HP1BP3: variants seen among roughly 807,000 people sequenced by gnomAD.
HP1BP3 encodes heterochromatin protein 1-binding protein 3.
Under a neutral mutation model 62.5 loss-of-function variants are expected in HP1BP3, and 12 were observed. That is an observed-to-expected ratio of 0.19 (90% CI 0.12 to 0.31). HP1BP3 has a LOEUF of 0.31. Among genes scored for constraint, HP1BP3 ranks in the 10% least tolerant of loss-of-function variants. The probability of loss-of-function intolerance (pLI) is 1.00; values close to 1 mark genes in which losing one functional copy is unlikely to be tolerated. For missense variants in HP1BP3, 502 were observed against 651.8 expected, an observed-to-expected ratio of 0.77 and a Z score of 2.50; for synonymous variants, 260 against 237.8, an observed-to-expected ratio of 1.09 and a Z score of -0.86.
intron 9 of HP1BP3, among the ~76,000 whole-genome samples, chr1:20,753,798 C>A (rs1315218468): frequency 6.6e-6 from 1 of 152,106 alleles, no homozygotes; most frequent in Non-Finnish European, 1.5e-5. Context: ...ACTGAAAAAC[C>A]ACTTGACAAA....
In HP1BP3 at chr1:20,743,843, G is replaced by C. The variant is rs376673419; in HGVS notation, c.*954C>G. The C allele has an allele frequency of 6.6e-6, 1 of 151,956 alleles. No individual in the cohort carries two copies. The highest frequency in any genetic ancestry group is 1.9e-4 in the East Asian group (1 of 5,172). The allele number at this position is 151,956 out of a possible 1,614,324, so 9.4% of individuals were successfully genotyped here. ...AGCACTTTGGGAGGCCGAGGCAGGC[G>C]GATCACCTGAGGTCAGGAGTTCGAG... On this transcript the variant is annotated 3_prime_UTR_variant, in exon 13 of 13. Coordinates refer to ENST00000438032, the MANE Select transcript of HP1BP3 (RefSeq NM_001372052.1).
At chr1:20,778,165 A>G (rs1314571320) in intron 3 of HP1BP3, among the ~76,000 whole-genome samples, 1 of 69,302 alleles carries the variant, frequency 1.4e-5, no homozygotes, top group Non-Finnish European at 3.2e-5. Context: ...ATAAATTTAC[A>G]TTATTTTCTC....
At chr1:20,766,315 C>T (rs759882314) in intron 7 of HP1BP3, among the ~76,000 whole-genome samples, 37 of 151,940 alleles carry the variant, frequency 2.4e-4, no homozygotes, top group Middle Eastern at 3.4e-3. Context: ...AAAAAACACA[C>T]ATAAAAGTAA....
At chr1:20,772,751 TC>T (rs1305396724) in intron 5 of HP1BP3, among the ~76,000 whole-genome samples, 2 of 152,138 alleles carry the variant, frequency 1.3e-5, no homozygotes, top group African/African-American at 4.8e-5. Flanking sequence ...TATCATCTGA[TC>T]ATATGAACTA....
At chr1:20,786,769 T>A (rs1343915677) in intron 1 of HP1BP3, 4 of 150,928 alleles carry the variant, frequency 2.7e-5, no homozygotes, top group Non-Finnish European at 5.9e-5. Flanking sequence ...GGGAGTGGGG[T>A]GAGGGGAGGG....
chr1:20,782,678 G>A (rs952398650), intron 1 of HP1BP3, among the ~76,000 whole-genome samples: 7 of 151,908 alleles, frequency 4.6e-5, no homozygotes, highest in Admixed American at 3.9e-4. Flanking sequence ...GAGGCGGATA[G>A]ATCACAAGGT....
chr1:20,759,166 C>T (rs1473392137), intron 8 of HP1BP3, among the ~76,000 whole-genome samples: 3 of 152,138 alleles, frequency 2.0e-5, no homozygotes, highest in African/African-American at 4.8e-5. Context: ...TCTGGGGGGC[C>T]GAGGCCGGCA....
At chr1:20,768,989 A>G (rs2056925268) in intron 6 of HP1BP3, among the ~76,000 whole-genome samples, 1 of 152,222 alleles carries the variant, frequency 6.6e-6, no homozygotes, top group Non-Finnish European at 1.5e-5. Context: ...CAGGTCATAA[A>G]CTAAAACATG....
chr1:20,760,134 G>A (rs570696085), intron 8 of HP1BP3, among the ~76,000 whole-genome samples: 2 of 152,156 alleles, frequency 1.3e-5, no homozygotes, highest in East Asian at 1.9e-4. Context: ...TGATCCACCC[G>A]CCTCAGACTC....
In HP1BP3 at chr1:20,780,542, T is replaced by C; in HGVS notation, c.-100-2A>G. On this transcript the variant is annotated splice_acceptor_variant, in intron 1 of 12. Transcript: ENST00000438032. LOFTEE classifies it low-confidence loss of function (5UTR_SPLICE). ...GTTTCAGTGTGGTGAAGAATCAACCTAAAGCACAGAAAAGACCTGGTGTGA... is the reference window on the plus strand; with the variant it reads ...GTTTCAGTGTGGTGAAGAATCAACCCAAAGCACAGAAAAGACCTGGTGTGA... The C allele has an allele frequency of 1.2e-6, 1 of 813,762 alleles. No homozygotes were observed. The highest frequency in any genetic ancestry group is 2.1e-6 in the Non-Finnish European group (1 of 474,452). The allele number at this position is 813,762 out of a possible 1,614,324, so 50.4% of individuals were successfully genotyped here.
intron 6 of HP1BP3, among the ~76,000 whole-genome samples, chr1:20,767,927 T>G (rs912459055): frequency 6.6e-6 from 1 of 152,242 alleles, no homozygotes; most frequent in African/African-American, 2.4e-5. Flanking sequence ...GGAAGAATGC[T>G]ACTGTGATAC....
chr1:20,771,213 G>A, intron 5 of HP1BP3, 140 bp from the exon 6 acceptor site: 2 of 647,856 alleles, frequency 3.1e-6, no homozygotes, highest in East Asian at 5.7e-5. Context: ...GAAGACTTCA[G>A]TTCATAATGA....
At chr1:20,786,533 G>A (rs1008363692) in intron 1 of HP1BP3, 2 of 152,300 alleles carry the variant, frequency 1.3e-5, no homozygotes, top group Non-Finnish European at 2.9e-5. Flanking sequence ...CGACGGATGA[G>A]GCTGGGGCTC....
chr1:20,745,304 T>G (rs948750911), intron 12 of HP1BP3, among the ~76,000 whole-genome samples: 5 of 152,226 alleles, frequency 3.3e-5, no homozygotes, highest in Admixed American at 2.0e-4. Context: ...ACGTTGTTCC[T>G]AGGGAAATAT....
intron 5 of HP1BP3, 103 bp downstream of exon 5, chr1:20,773,348 G>C (rs375119814): frequency 1.1e-6 from 1 of 895,260 alleles, no homozygotes; most frequent in South Asian, 3.8e-5. Flanking sequence ...CCTTTAGGAA[G>C]CAGAACAAGA....
rs573454678 is a variant in HP1BP3 at position 20,744,557 on chromosome 1, T to C, written c.*240A>G. ...AGAAAAAGGACAAGTATACATTACATAGTTTAGGAAAGTCCAGGATTATTG... is the reference window on the plus strand; with the variant it reads ...AGAAAAAGGACAAGTATACATTACACAGTTTAGGAAAGTCCAGGATTATTG... On this transcript the variant is annotated 3_prime_UTR_variant, in exon 13 of 13. Transcript: ENST00000438032. 11 of 453,304 alleles carry C rather than the reference T, an allele frequency of 2.4e-5. No homozygotes were observed. The highest frequency in any genetic ancestry group is 5.9e-4 in the Middle Eastern group (1 of 1,686). 28.1% of individuals were successfully genotyped at this position (453,304 alleles called of 1,614,324 possible).
At chr1:20,783,715 A>G (rs1315605179) in intron 1 of HP1BP3, among the ~76,000 whole-genome samples, 1 of 139,242 alleles carries the variant, frequency 7.2e-6, no homozygotes. Flanking sequence ...AGTTGCAGTG[A>G]GCCGAGATCA....
Position 20,779,899 on chromosome 1 carries a change from T to C in HP1BP3, c.109A>G (p.Ser37Gly). 6.2e-7 allele frequency: 1 copy of C among 1,611,618 alleles called. No homozygotes were observed. The highest frequency in any genetic ancestry group is 1.1e-5 in the South Asian group (1 of 90,428). ...ADKLGEKVED[S>G]TMPIRRTVNS... ...ACAGTTCGACGAATCGGCATGGTGC[T>C]ATCTTCTACCTTCTAAGAAAAGAGA... The change falls in exon 3 of 13, where the codon AGC (serine) becomes GGC (glycine). Residue 37 changes from serine (S) to glycine (G), a missense_variant. Ser to Gly is a moderately conservative substitution (Grantham distance 56). This residue lies in a region of HP1BP3 where 165 missense variants were observed against 156.4 expected (regional missense o/e 1.05). Coordinates refer to ENST00000438032, the MANE Select transcript of HP1BP3 (RefSeq NM_001372052.1).
At chr1:20,766,695 G>A (rs1461685625) in intron 7 of HP1BP3, among the ~76,000 whole-genome samples, 4 of 152,022 alleles carry the variant, frequency 2.6e-5, no homozygotes, top group Admixed American at 6.6e-5. Flanking sequence ...ATCCCAGCAC[G>A]TTGGGAGGCG....
Sources: allele counts gnomAD v4.1 joint callset (sites outside exome capture counted in the v4.1 genomes callset), GRCh38; gene constraint gnomAD v4.1.1; regional missense constraint gnomAD v4.1.1; transcripts MANE v1.5; gene names NCBI Gene and HGNC (gene_info 2026-07-23, HGNC 2026-07-21).